Variants in NRXN1 observed in about 807,000 individuals in gnomAD.
NRXN1 encodes neurexin 1.
NRXN1 carries 39 observed loss-of-function variants against 150.9 expected under a neutral mutation model. That is an observed-to-expected ratio of 0.26 (90% CI 0.20 to 0.34). NRXN1 has a LOEUF of 0.34. Among genes scored for constraint, NRXN1 ranks in the 10% least tolerant of loss-of-function variants. The pLI, the probability that NRXN1 is intolerant of heterozygous loss-of-function variation, is 1.00. For synonymous variants in NRXN1, 924 were observed against 757.0 expected (o/e 1.22, Z -3.62); for missense variants, 1,815 against 1,949.9 (o/e 0.93, Z 1.30).
rs374539043 is a variant in NRXN1, at chr2:50,017,502, CAAT to C, written c.4128+35766_4128+35768del. Reference sequence around the variant, plus strand: ...AGAAGTATGCTTTGGTAAATCACAACAATGACAATTTCGCTTTCCAATTAAAGT... The same window carrying C: ...AGAAGTATGCTTTGGTAAATCACAACGACAATTTCGCTTTCCAATTAAAGT... On this transcript the variant is annotated intron_variant, in intron 21 of 22. Coordinates refer to ENST00000401669, the MANE Select transcript of NRXN1 (RefSeq NM_001330078.2). 3.5e-4 allele frequency among the ~76,000 whole-genome samples: 53 copies of C among 152,248 alleles called. No homozygotes were observed. In the East Asian group the frequency reaches 9.9e-3, roughly 28 times the overall value.
At chr2:50,372,401 T>C (rs2080094847) in intron 17 of NRXN1, among the ~76,000 whole-genome samples, 1 of 152,042 alleles carries the variant, frequency 6.6e-6, no homozygotes, top group Non-Finnish European at 1.5e-5. Context: ...GTAAATAATA[T>C]GCAGCTGGCC....
intron 8 of NRXN1, among the ~76,000 whole-genome samples, chr2:50,600,405 A>C (rs1573733858): frequency 6.7e-6 from 1 of 149,422 alleles, no homozygotes; most frequent in African/African-American, 2.5e-5. Flanking sequence ...GCTCACTGCA[A>C]CCTCCACCTC....
chr2:50,021,913 C>T (rs1317732118), intron 21 of NRXN1, among the ~76,000 whole-genome samples: 2 of 152,150 alleles, frequency 1.3e-5, no homozygotes, highest in Non-Finnish European at 2.9e-5. Flanking sequence ...TGCAGTGGCA[C>T]GATCTCGGCT....
intron 2 of NRXN1, among the ~76,000 whole-genome samples, chr2:50,981,652 G>A (rs1696839651): frequency 6.6e-6 from 1 of 151,772 alleles, no homozygotes; most frequent in Non-Finnish European, 1.5e-5. Flanking sequence ...AGAACAGTCT[G>A]CTAAAAGAAA....
intron 2 of NRXN1, among the ~76,000 whole-genome samples, chr2:50,961,791 C>A (rs1191534671): frequency 4.0e-5 from 6 of 151,536 alleles, no homozygotes; most frequent in Non-Finnish European, 8.9e-5. Context: ...TCAGGGTCAA[C>A]AAGGAGGGAT....
intron 2 of NRXN1, among the ~76,000 whole-genome samples, chr2:50,971,591 T>C (rs891859334): frequency 2.6e-5 from 4 of 151,354 alleles, no homozygotes; most frequent in Non-Finnish European, 4.4e-5. Flanking sequence ...CTCAAAAAAA[T>C]TAATAAAATA....
At chr2:50,578,509 T>C (rs1437552876) in intron 8 of NRXN1, among the ~76,000 whole-genome samples, 7 of 152,174 alleles carry the variant, frequency 4.6e-5, no homozygotes, top group African/African-American at 1.7e-4. Flanking sequence ...GTAACGTCTT[T>C]CAAAACTATA....
At chr2:50,237,210 T>C (rs1044435684) in intron 17 of NRXN1, among the ~76,000 whole-genome samples, 9 of 152,040 alleles carry the variant, frequency 5.9e-5, no homozygotes, top group Admixed American at 1.3e-4. Context: ...TCAGAACAAA[T>C]AGTAGGTTAT....
chr2:50,141,762 C>T (rs1481565069), intron 18 of NRXN1, among the ~76,000 whole-genome samples: 1 of 151,982 alleles, frequency 6.6e-6, no homozygotes, highest in Non-Finnish European at 1.5e-5. Context: ...CATCAGATAT[C>T]CTTACCCCCG....
At chr2:50,986,795 G>C (rs1697794830) in intron 2 of NRXN1, among the ~76,000 whole-genome samples, 1 of 151,086 alleles carries the variant, frequency 6.6e-6, no homozygotes, top group South Asian at 2.1e-4. Flanking sequence ...CATAGGAATG[G>C]AAAAAAGCAA....
chr2:51,000,987 C>T (rs908540494), intron 2 of NRXN1, among the ~76,000 whole-genome samples: 3 of 151,812 alleles, frequency 2.0e-5, no homozygotes, highest in Admixed American at 1.3e-4. Flanking sequence ...GGGCATAAAG[C>T]GCTGGAGTTG....
chr2:50,278,305 T>TTTATATATATA (rs2070914038), intron 17 of NRXN1, among the ~76,000 whole-genome samples: 1 of 78,660 alleles, frequency 1.3e-5, no homozygotes, highest in Non-Finnish European at 2.5e-5. Context: ...TAATATATAT[T>TTTATATATATA]TTATATATAT....
intron 5 of NRXN1, among the ~76,000 whole-genome samples, chr2:50,634,696 AGTG>A (rs1682966821): frequency 6.6e-6 from 1 of 152,114 alleles, no homozygotes; most frequent in African/African-American, 2.4e-5. Flanking sequence ...TTTTAGTTGA[AGTG>A]GAGGAGGAAG....
At chr2:50,612,269 T>C (rs1209223227) in intron 8 of NRXN1, among the ~76,000 whole-genome samples, 1 of 152,196 alleles carries the variant, frequency 6.6e-6, no homozygotes, top group Non-Finnish European at 1.5e-5. Context: ...TTTGCAATTA[T>C]GAAGCTCTGA....
At position 50,346,707 on chromosome 2, in the gene NRXN1, G is replaced by A. The variant is rs774573352; in HGVS notation, c.3365-109737C>T. 4.3e-6 allele frequency: 7 copies of A among 1,613,518 alleles called. No individual in the cohort carries two copies. The Admixed American group carries it at 8.3e-5, about 19-fold the overall frequency. ...CAGACCCACCGTGTCCGCCTCGCAA[G>A]GATGCCGGTGACCTGTAGATTGCAA... On this transcript the variant is annotated intron_variant, in intron 17 of 22. Coordinates refer to ENST00000401669, the MANE Select transcript of NRXN1 (RefSeq NM_001330078.2). This position sits in a 1 kb window ranked among gnomAD's most constrained non-coding sequence, Gnocchi z 5.0.
intron 2 of NRXN1, among the ~76,000 whole-genome samples, chr2:51,005,860 A>G (rs1700650324): frequency 6.6e-6 from 1 of 151,882 alleles, no homozygotes; most frequent in Non-Finnish European, 1.5e-5. Context: ...GATTAAAACA[A>G]AAATGACCCA....
Position 50,495,982 on chromosome 2 carries a change from C to T in NRXN1, c.2993G>A (p.Ser998Asn). The change falls in exon 15 of 23, where the codon AGC becomes AAC. Residue 998 changes from serine (S) to asparagine (N), a missense_variant. Around this residue, in one of 6 missense-constraint regions of NRXN1, gnomAD observed 339 missense variants for 440.3 expected, o/e 0.77. Coordinates refer to ENST00000401669, the MANE Select transcript of NRXN1 (RefSeq NM_001330078.2). ...WHNVMISRDT[S>N]NLHTVKIDTK... ...GTCAATCTTTACAGTGTGGAGGTTG[C>T]TGGTGTCCCTTGATATCATCACGTT... 6.2e-7 allele frequency: 1 copy of T among 1,613,456 alleles called. No homozygotes were observed. Among genetic ancestry groups the T allele is most frequent in the South Asian group, 1.1e-5 (1 of 90,970 alleles).
chr2:50,640,847 G>T (rs1443404077), intron 5 of NRXN1, among the ~76,000 whole-genome samples: 2 of 152,126 alleles, frequency 1.3e-5, no homozygotes, highest in African/African-American at 4.8e-5. Context: ...TATGCTTTAA[G>T]TATTTCTGGT....
chr2:50,609,281 T>G (rs1278707349), intron 8 of NRXN1, among the ~76,000 whole-genome samples: 1 of 152,034 alleles, frequency 6.6e-6, no homozygotes, highest in Non-Finnish European at 1.5e-5. Context: ...AAAATGAAAA[T>G]GAGAAGCCCT....
Sources: allele counts gnomAD v4.1 joint callset (sites outside exome capture counted in the v4.1 genomes callset), GRCh38; gene constraint gnomAD v4.1.1; regional missense constraint gnomAD v4.1.1; non-coding constraint Gnocchi (gnomAD v3.1); transcripts MANE v1.5; gene names NCBI Gene and HGNC (gene_info 2026-07-23, HGNC 2026-07-21).